The following NELL2 variants were observed in gnomAD, a reference collection of about 807,000 sequenced individuals.
The protein encoded by NELL2 is neural EGFL like 2.
In NELL2, 41 loss-of-function variants were observed where a neutral mutation model predicts 109.6. That is an observed-to-expected ratio of 0.37 (90% CI 0.29 to 0.49). NELL2 has a LOEUF of 0.49. NELL2 is among the 20% of genes least tolerant of loss of function. The pLI is 0.98. For missense variants in NELL2, 900 were observed against 1,008.3 expected (o/e 0.89, Z 1.45); for synonymous variants, 355 against 344.7 (o/e 1.03, Z -0.33).
At chr12:44,585,910 T>C (rs1944477429) in intron 15 of NELL2, among the ~76,000 whole-genome samples, 1 of 151,516 alleles carries the variant, frequency 6.6e-6, no homozygotes, top group Non-Finnish European at 1.5e-5. Flanking sequence ...AAAACTGCAT[T>C]AGAAGTAACC....
intron 12 of NELL2, among the ~76,000 whole-genome samples, chr12:44,686,426 T>C (rs997334891): frequency 3.3e-5 from 5 of 152,366 alleles, no homozygotes; most frequent in Admixed American, 6.5e-5. Context: ...GTCAAAGTCA[T>C]TCTCCCTCCA....
chr12:44,608,336 A>T (rs924434807), intron 14 of NELL2, among the ~76,000 whole-genome samples: 10 of 152,092 alleles, frequency 6.6e-5, no homozygotes, highest in African/African-American at 2.4e-4. Flanking sequence ...CAAAGAGTCC[A>T]TTTGGCTTCT....
At chr12:44,743,368 C>T (rs918437713) in intron 9 of NELL2, among the ~76,000 whole-genome samples, 7 of 152,192 alleles carry the variant, frequency 4.6e-5, no homozygotes, top group South Asian at 4.2e-4. Flanking sequence ...TAAAGACCAT[C>T]GAGGCTAGGA....
At chr12:44,769,573 A>T (rs1440528340) in intron 9 of NELL2, among the ~76,000 whole-genome samples, 3 of 152,172 alleles carry the variant, frequency 2.0e-5, no homozygotes, top group Non-Finnish European at 4.4e-5. Flanking sequence ...CCATAGAGTC[A>T]AACAGTTTTA....
chr12:44,689,792 T>G (rs1304451511), intron 12 of NELL2, among the ~76,000 whole-genome samples: 2 of 152,214 alleles, frequency 1.3e-5, no homozygotes, highest in Admixed American at 1.3e-4. Context: ...ATCTAGTGGG[T>G]AGAGATCAGG....
At chr12:44,790,527 A>G (rs55945138) in intron 3 of NELL2, among the ~76,000 whole-genome samples, 2,200 of 152,288 alleles carry the variant, frequency 0.014, 52 homozygotes, top group African/African-American at 0.05. Context: ...GAACCTCTTT[A>G]AAGCATAAAT....
chr12:44,581,577 T>C (rs916875825), intron 15 of NELL2, among the ~76,000 whole-genome samples: 2 of 152,268 alleles, frequency 1.3e-5, no homozygotes, highest in East Asian at 3.9e-4. Context: ...AAATATTATG[T>C]ACAAAACCAT....
At chr12:44,567,102 G>A (rs1044176001) in intron 15 of NELL2, among the ~76,000 whole-genome samples, 2 of 152,094 alleles carry the variant, frequency 1.3e-5, no homozygotes, top group Admixed American at 1.3e-4. Flanking sequence ...GAGCCACTGC[G>A]TCTGGCCTAC....
intron 12 of NELL2, among the ~76,000 whole-genome samples, chr12:44,672,481 A>C (rs1948173217): frequency 6.6e-6 from 1 of 152,180 alleles, no homozygotes; most frequent in South Asian, 2.1e-4. Context: ...TCCGTGGAAA[A>C]ATTGTGTTCC....
chr12:44,591,814 C>CTAAT (rs1255854602), intron 15 of NELL2, among the ~76,000 whole-genome samples: 2 of 152,102 alleles, frequency 1.3e-5, no homozygotes, highest in African/African-American at 4.8e-5. Context: ...GATGGATATG[C>CTAAT]TAATTACCTG....
chr12:44,653,595 A>C (rs771646566), intron 13 of NELL2, among the ~76,000 whole-genome samples: 10 of 152,140 alleles, frequency 6.6e-5, no homozygotes, highest in Non-Finnish European at 1.3e-4. Flanking sequence ...TTTGAGAAAA[A>C]TTCTAAAATC....
At chr12:44,705,865 C>T (rs557492831) in intron 11 of NELL2, among the ~76,000 whole-genome samples, 5 of 152,300 alleles carry the variant, frequency 3.3e-5, no homozygotes, top group Non-Finnish European at 5.9e-5. Flanking sequence ...TGACTAAGAA[C>T]GGATACCATT....
intron 9 of NELL2, among the ~76,000 whole-genome samples, chr12:44,772,517 G>A (rs1012239616): frequency 1.3e-5 from 2 of 152,102 alleles, no homozygotes; most frequent in African/African-American, 2.4e-5. Context: ...AAAAAGAACC[G>A]CTAAGAATAT....
At chr12:44,520,440 T>G (rs1941477142) in intron 18 of NELL2, among the ~76,000 whole-genome samples, 2 of 152,206 alleles carry the variant, frequency 1.3e-5, no homozygotes, top group South Asian at 4.1e-4. Context: ...AGCTTGATTT[T>G]CAAACAATCT....
chr12:44,730,522 C>T (rs1366716320), intron 9 of NELL2, among the ~76,000 whole-genome samples: 1 of 152,114 alleles, frequency 6.6e-6, no homozygotes, highest in Middle Eastern at 3.4e-3. Flanking sequence ...TTAAATAACA[C>T]ACTTGAATAG....
At chr12:44,854,696 GTGGATGGATGGGTGGGTGGGTGGA>G (rs1944630392) in intron 2 of NELL2, among the ~76,000 whole-genome samples, 1 of 113,754 alleles carries the variant, frequency 8.8e-6, no homozygotes, top group Non-Finnish European at 2.0e-5. Flanking sequence ...GGATGGATGG[GTGGATGGATGGGTGGGTGGGTGGA>G]TGGATGGATG....
intron 9 of NELL2, among the ~76,000 whole-genome samples, chr12:44,743,680 A>G (rs189747651): frequency 3.5e-3 from 538 of 152,336 alleles, no homozygotes; most frequent in Middle Eastern, 6.8e-3. Context: ...CTTTAAACCA[A>G]CAAAGATCAA....
chr12:44,852,432 GT>G (rs1216702547), intron 2 of NELL2, among the ~76,000 whole-genome samples: 1 of 152,104 alleles, frequency 6.6e-6, no homozygotes, highest in Non-Finnish European at 1.5e-5. Flanking sequence ...TCTATTCTGT[GT>G]TTTTCCCCTG....
intron 12 of NELL2, among the ~76,000 whole-genome samples, chr12:44,676,921 A>G (rs1948339975): frequency 6.6e-6 from 1 of 152,148 alleles, no homozygotes; most frequent in Non-Finnish European, 1.5e-5. Flanking sequence ...AGCCTGAATG[A>G]AACAGATGCA....
Sources: gnomAD v4.1 joint callset for allele counts (sites outside exome capture counted in the v4.1 genomes callset) on GRCh38, gnomAD v4.1.1 for gene constraint, MANE v1.5 for transcripts, NCBI Gene and HGNC (gene_info 2026-07-23, HGNC 2026-07-21) for gene names.